Variants in NDUFV2 observed in about 807,000 individuals in gnomAD.
NDUFV2 encodes the protein NADH:ubiquinone oxidoreductase core subunit V2.
Under a neutral mutation model 31.6 loss-of-function variants are expected in NDUFV2, and 18 were observed. The ratio of observed to expected loss-of-function variants is 0.57; its 90% CI spans 0.39 to 0.84. The LOEUF (loss-of-function observed/expected upper bound fraction) is 0.84. Ranked by LOEUF, NDUFV2 falls within the 40% of genes least tolerant of loss-of-function variation. The pLI, the probability that NDUFV2 is intolerant of heterozygous loss-of-function variation, is 0.00. For synonymous variants in NDUFV2, 83 were observed against 99.8 expected (o/e 0.83, Z 1.01); for missense variants, 314 against 303.6 (o/e 1.03, Z -0.26).
intron 1 of NDUFV2, among the ~76,000 whole-genome samples, chr18:9,114,322 T>A (rs1421670906): frequency 6.6e-6 from 1 of 152,028 alleles, no homozygotes; most frequent in African/African-American, 2.4e-5. Flanking sequence ...AAAGAAAAAA[T>A]AATTATGTGC....
chr18:9,102,991 A>G (rs888089303), intron 1 of NDUFV2, 194 bp downstream of exon 1: 3 of 555,116 alleles, frequency 5.4e-6, no homozygotes, highest in Non-Finnish European at 9.3e-6. Context: ...GGGTTGCCAT[A>G]CTGGGAAGTG....
intron 7 of NDUFV2, among the ~76,000 whole-genome samples, chr18:9,127,450 G>T (rs765249319): frequency 5.9e-5 from 9 of 152,024 alleles, no homozygotes; most frequent in Non-Finnish European, 1.3e-4. Context: ...AACTAATCAT[G>T]GTTTTTTGTC....
chr18:9,106,303 C>T (rs578033089), intron 1 of NDUFV2, among the ~76,000 whole-genome samples: 8 of 152,238 alleles, frequency 5.3e-5, no homozygotes, highest in African/African-American at 1.9e-4. Context: ...AAACAAAAAC[C>T]TCATTGGTTT....
chr18:9,102,947 C>T, intron 1 of NDUFV2, 150 bp downstream of exon 1: 1 of 690,148 alleles, frequency 1.4e-6, no homozygotes, highest in Middle Eastern at 4.2e-4. Flanking sequence ...CTTAGGGAGG[C>T]CGCTGCAGCC....
intron 5 of NDUFV2, among the ~76,000 whole-genome samples, chr18:9,123,373 G>T (rs527347029): frequency 1.2e-3 from 176 of 152,018 alleles, no homozygotes; most frequent in African/African-American, 4.0e-3. Context: ...TATATTAGTT[G>T]TAGATTTTAT....
chr18:9,107,771 A>G (rs936201398), intron 1 of NDUFV2, among the ~76,000 whole-genome samples: 1 of 152,236 alleles, frequency 6.6e-6, no homozygotes, highest in Non-Finnish European at 1.5e-5. Context: ...CAGTGTAAGC[A>G]GACTAGGGAA....
intron 1 of NDUFV2, among the ~76,000 whole-genome samples, chr18:9,111,982 T>C (rs2077872798): frequency 6.6e-6 from 1 of 151,114 alleles, no homozygotes; most frequent in South Asian, 2.1e-4. Context: ...TGTTTGGTGT[T>C]GGTCATCTTT....
chr18:9,127,784 T>C (rs984890030), intron 7 of NDUFV2, among the ~76,000 whole-genome samples: 1 of 152,156 alleles, frequency 6.6e-6, no homozygotes, highest in Non-Finnish European at 1.5e-5. Flanking sequence ...ATCATGGTAT[T>C]TTGAGATACA....
intron 1 of NDUFV2, among the ~76,000 whole-genome samples, chr18:9,110,856 T>C (rs1000206267): frequency 2.0e-5 from 3 of 152,198 alleles, no homozygotes; most frequent in Non-Finnish European, 2.9e-5. Flanking sequence ...TATACAACTT[T>C]GAAGAGGTCG....
In NDUFV2 at chr18:9,122,615, T is replaced by C; in HGVS notation, c.403T>C (p.Cys135Arg). Reference sequence around the variant, plus strand: ...AGTTGGAAAGTATCACATTCAGGTCTGCACTACTACACCCTGCATGCTTCG... The same window carrying C: ...AGTTGGAAAGTATCACATTCAGGTCCGCACTACTACACCCTGCATGCTTCG... Reference protein sequence around the residue: ...KPVGKYHIQVCTTTPCMLRNS... With the variant: ...KPVGKYHIQVRTTTPCMLRNS... Residue 135 changes from cysteine (C) to arginine (R), a missense_variant, in exon 5 of 8, where the codon TGC (cysteine) becomes CGC (arginine). Transcript: ENST00000318388. The C allele has an allele frequency of 1.2e-6, 2 of 1,614,010 alleles. No homozygotes were observed. Among genetic ancestry groups the C allele is most frequent in the Non-Finnish European group, 1.7e-6 (2 of 1,179,912 alleles).
intron 1 of NDUFV2, chr18:9,117,579 C>A: frequency 2.4e-6 from 1 of 418,028 alleles, no homozygotes; most frequent in Non-Finnish European, 4.4e-6. Flanking sequence ...CAGGAAGGTA[C>A]ACAAGTCAGC....
At chr18:9,126,584 G>A in intron 6 of NDUFV2, 1 of 456,542 alleles carries the variant, frequency 2.2e-6, no homozygotes, top group Non-Finnish European at 4.0e-6. Flanking sequence ...ACTATCTTGT[G>A]AGCTGAGACA....
Position 9,125,618 on chromosome 18 carries a change from G to A in NDUFV2, c.579+635G>A, listed in dbSNP as rs142322737. Among the ~76,000 whole-genome samples the A allele has an allele frequency of 3.2e-3, 483 of 151,614 alleles. 2 individuals carry two copies. Among genetic ancestry groups the A allele is most frequent in the African/African-American group, 0.011 (446 of 41,318 alleles). ...TGTTCTTAATATCCATATATATGGC[G>A]TTTTCTAGTTATTTCTTTAAAAATT... On this transcript the variant is annotated intron_variant, in intron 6 of 7. Coordinates refer to ENST00000318388, the MANE Select transcript of NDUFV2 (RefSeq NM_021074.5).
intron 1 of NDUFV2, among the ~76,000 whole-genome samples, chr18:9,108,823 T>C (rs1277864366): frequency 6.6e-6 from 1 of 151,960 alleles, no homozygotes; most frequent in Non-Finnish European, 1.5e-5. Flanking sequence ...CCCAAGTAGC[T>C]GGGATTAAAG....
At chr18:9,130,921 C>T (rs1174433356) in intron 7 of NDUFV2, among the ~76,000 whole-genome samples, 2 of 152,128 alleles carry the variant, frequency 1.3e-5, no homozygotes, top group Non-Finnish European at 2.9e-5. Flanking sequence ...AATATTAAAG[C>T]AGTGGTAAGA....
At chr18:9,109,784 C>T (rs1468769110) in intron 1 of NDUFV2, among the ~76,000 whole-genome samples, 2 of 151,628 alleles carry the variant, frequency 1.3e-5, no homozygotes, top group African/African-American at 4.8e-5. Context: ...TAGGAATCGA[C>T]GAAAAAAAGT....
intron 1 of NDUFV2, among the ~76,000 whole-genome samples, chr18:9,112,159 C>T (rs2077874551): frequency 6.6e-6 from 1 of 151,654 alleles, no homozygotes; most frequent in Non-Finnish European, 1.5e-5. Context: ...GCTGGGACTA[C>T]AGGTGTGCGC....
intron 7 of NDUFV2, among the ~76,000 whole-genome samples, chr18:9,127,418 T>C (rs1448916080): frequency 6.6e-6 from 1 of 152,216 alleles, no homozygotes; most frequent in African/African-American, 2.4e-5. Flanking sequence ...AGTGACTATT[T>C]AATGCTTTAA....
Position 9,102,753 on chromosome 18 carries a change from T to A in NDUFV2, c.10T>A (p.Ser4Thr). The A allele has an allele frequency of 6.3e-7, 1 of 1,587,946 alleles. No individual in the cohort carries two copies. Among genetic ancestry groups the A allele is most frequent in the African/African-American group, 1.3e-5 (1 of 74,152 alleles). ...AACAGTGTGGCCCGCCATGTTCTTC[T>A]CCGCGGCGCTCCGGGCCCGGGCGGC... Reference protein sequence around the residue: MFFSAALRARAAGL... With the variant: MFFTAALRARAAGL... The change falls in exon 1 of 8, where the codon TCC becomes ACC. Residue 4 changes from serine to threonine, a missense_variant. Coordinates refer to ENST00000318388, the MANE Select transcript of NDUFV2 (RefSeq NM_021074.5).
Sources: gnomAD v4.1 joint callset for allele counts (sites outside exome capture counted in the v4.1 genomes callset) on GRCh38, gnomAD v4.1.1 for gene constraint, MANE v1.5 for transcripts, NCBI Gene and HGNC (gene_info 2026-07-23, HGNC 2026-07-21) for gene names.